IRX2: variants seen among roughly 807,000 people sequenced by gnomAD.
IRX2 encodes the protein iroquois homeobox 2, also known as iroquois-class homeodomain protein IRX-2.
IRX2 carries 26 observed loss-of-function variants against 42.9 expected under a neutral mutation model. That is an observed-to-expected ratio of 0.61 (90% CI 0.44 to 0.84). The LOEUF (loss-of-function observed/expected upper bound fraction) is 0.84, where lower values mean the gene tolerates loss of function less well. Among genes scored for constraint, IRX2 ranks in the 40% least tolerant of loss-of-function variants. The pLI is 0.00. For missense variants in IRX2, 782 were observed against 713.9 expected (o/e 1.10, Z -1.09); for synonymous variants, 424 against 353.9 (o/e 1.20, Z -2.22).
chr5:2,739,928 G>A, the IRX2 span, among the ~76,000 whole-genome samples: 154 of 152,262 alleles, frequency 1.0e-3, no homozygotes, highest in Middle Eastern at 3.4e-3. Context: ...GTAGGACCAG[G>A]AAGGGGACTG....
At chr5:2,749,816 G>C in intron 1 of IRX2, 29 bp from the exon 2 acceptor site, 1 of 1,558,008 alleles carries the variant, frequency 6.4e-7, no homozygotes, top group East Asian at 2.3e-5. Context: ...TGTGAGTGGA[G>C]TATGCGGAGA....
In IRX2 at chr5:2,746,525, AGATT is replaced by A. The variant is rs1737669691; in HGVS notation, c.*1035_*1038del. On this transcript the variant is annotated 3_prime_UTR_variant, in exon 4 of 4. Coordinates refer to ENST00000302057, the MANE Select transcript of IRX2 (RefSeq NM_033267.5). ...CAATTCAAGATATCCTGAGAAAAAC[AGATT>A]GTTTTCAAAAGTCACACATACATCG... is the stretch of plus-strand genomic sequence containing the variant. 1 of 152,428 alleles carries A rather than the reference AGATT, an allele frequency of 6.6e-6. No individual in the cohort carries two copies. Among genetic ancestry groups the A allele is most frequent in the South Asian group, 2.1e-4 (1 of 4,834 alleles). The allele number at this position is 152,428 out of a possible 1,614,324, so 9.4% of individuals were successfully genotyped here.
intron 1 of IRX2, among the ~76,000 whole-genome samples, chr5:2,750,871 C>T (rs1737930143): frequency 6.6e-6 from 1 of 152,182 alleles, no homozygotes; most frequent in African/African-American, 2.4e-5. Flanking sequence ...ACCCCGGCCC[C>T]GGCGGAGACG....
At chr5:2,741,763 T>C (rs1291323983), downstream of IRX2, among the ~76,000 whole-genome samples, 3 of 152,238 alleles carry the variant, frequency 2.0e-5, no homozygotes, top group African/African-American at 7.2e-5. Flanking sequence ...GAGTCCGTAT[T>C]GGAGGCAGCC....
chr5:2,747,762 T>C, intron 3 of IRX2, 146 bp from the exon 4 acceptor site: 2 of 708,896 alleles, frequency 2.8e-6, no homozygotes, highest in African/African-American at 1.7e-5. Context: ...AGACGACTTT[T>C]GGTGATGGTC....
At position 2,751,256 on chromosome 5, in the gene IRX2, G is replaced by T; in HGVS notation, c.158C>A (p.Ala53Asp). 1.4e-6 allele frequency: 2 copies of T among 1,405,136 alleles called. No homozygotes were observed. The highest frequency in any genetic ancestry group is 3.2e-5 in the East Asian group (1 of 30,822). The allele number at this position is 1,405,136 out of a possible 1,614,324, so 87.0% of individuals were successfully genotyped here. ...SAFSPYPGSA[A>D]FTAQAATGFG... ...GCCGGTGGCCGCCTGCGCCGTGAAG[G>T]CCGCCGAGCCCGGGTAGGGGCTGAA... The change falls in exon 1 of 4, where the codon GCC becomes GAC. Residue 53 changes from alanine to aspartate, a missense_variant. Coordinates refer to ENST00000302057, the MANE Select transcript of IRX2 (RefSeq NM_033267.5). The surrounding 1 kb of genome is among the most constrained non-coding windows in gnomAD (Gnocchi z 4.0).
chr5:2,744,711 A>C (rs1416855325), downstream of IRX2, among the ~76,000 whole-genome samples: 3 of 152,224 alleles, frequency 2.0e-5, no homozygotes, highest in Non-Finnish European at 4.4e-5. Flanking sequence ...CATATCTATT[A>C]CTAGGAGAGG....
intron 2 of IRX2, 100 bp from the exon 3 acceptor site, chr5:2,749,152 A>C (rs1269624898): frequency 6.7e-7 from 1 of 1,500,336 alleles, no homozygotes; most frequent in Non-Finnish European, 8.8e-7. Context: ...TCCCCACGGG[A>C]CCCCTCACCT....
intron 3 of IRX2, 115 bp from the exon 4 acceptor site, chr5:2,747,731 T>C: frequency 9.9e-7 from 1 of 1,013,210 alleles, no homozygotes. Context: ...GGAAACCGAC[T>C]GTCTCCAGGG....
In IRX2 at chr5:2,748,710, G is replaced by T; in HGVS notation, c.998C>A (p.Ala333Asp). The change falls in exon 3 of 4, where the codon GCC becomes GAC. Residue 333 changes from alanine to aspartate, a missense_variant. Ala to Asp is a moderately radical substitution (Grantham distance 126). Coordinates refer to ENST00000302057, the MANE Select transcript of IRX2 (RefSeq NM_033267.5). ...PASKPKLWSL[A>D]EIATSDLKQP... ...CTTGAGGTCCGACGTGGCGATCTCG[G>T]CCAGCGACCACAGCTTGGGCTTGCT... 1 of 1,400,224 alleles carries T rather than the reference G, an allele frequency of 7.1e-7. No individual in the cohort carries two copies. 86.7% of individuals were successfully genotyped at this position (1,400,224 alleles called of 1,614,324 possible).
chr5:2,743,156 G>C (rs889055714), downstream of IRX2, among the ~76,000 whole-genome samples: 11 of 152,142 alleles, frequency 7.2e-5, no homozygotes, highest in South Asian at 2.1e-4. Context: ...CGCACCCCAG[G>C]CTGGCTACCC....
chr5:2,749,673 T>C lies in IRX2; in HGVS notation c.364A>G (p.Thr122Ala), dbSNP rs1737856379. Residue 122 changes from threonine to alanine, a missense_variant, in exon 2 of 4, where the codon ACG (threonine) becomes GCG (alanine). Coordinates refer to ENST00000302057, the MANE Select transcript of IRX2 (RefSeq NM_033267.5). ...LNDPAYRKNA[T>A]RDATATLKAW... ...TTGAGAGTGGCCGTGGCGTCCCGCG[T>C]GGCGTTCTTGCGGTACGCGGGGTCG... is the stretch of plus-strand genomic sequence containing the variant. 1 of 1,614,078 alleles carries C rather than the reference T, an allele frequency of 6.2e-7. No homozygotes were observed. The highest frequency in any genetic ancestry group is 8.5e-7 in the Non-Finnish European group (1 of 1,180,042).
Position 2,748,978 on chromosome 5 carries a change from G to T in IRX2, c.730C>A (p.Arg244Ser), listed in dbSNP as rs368240882. 1 of 1,597,226 alleles carries T rather than the reference G, an allele frequency of 6.3e-7. No individual in the cohort carries two copies. Among genetic ancestry groups the T allele is most frequent in the Non-Finnish European group, 8.5e-7 (1 of 1,179,438 alleles). Residue 244 changes from arginine to serine, a missense_variant, in exon 3 of 4, where the codon CGC becomes AGC. Arg to Ser is a moderately radical substitution (Grantham distance 110, BLOSUM62 -1). This residue lies in a region of IRX2 where 520 missense variants were observed against 437.8 expected (regional missense o/e 1.19). Coordinates refer to ENST00000302057, the MANE Select transcript of IRX2 (RefSeq NM_033267.5). Reference protein sequence around the residue: ...AESDGEKLPCRAGDPLCESGS... With the variant: ...AESDGEKLPCSAGDPLCESGS... ...GATTCGCACAGGGGGTCCCCGGCGC[G>T]GCACGGAAGCTTCTCCCCGTCCGAC...
chr5:2,740,671 C>T, the IRX2 span, among the ~76,000 whole-genome samples: 1 of 152,130 alleles, frequency 6.6e-6, no homozygotes, highest in Non-Finnish European at 1.5e-5. Context: ...CTCAAGACTC[C>T]CCAGGGAGCA....
downstream of IRX2, among the ~76,000 whole-genome samples, chr5:2,741,402 C>G (rs1466595259): frequency 6.6e-6 from 1 of 151,092 alleles, no homozygotes; most frequent in Admixed American, 6.6e-5. Context: ...AAAAAAAAAG[C>G]CCACTGTTAG....
rs1737767518 is a variant in IRX2 at position 2,748,470 on chromosome 5, G to A, written c.1238C>T (p.Ala413Val). The part of the protein sequence containing the change: ...QGQGLLRYNS[A>V]AAAPGEALHT... ...CAGGGCCTCGCCGGGGGCCGCGGCC[G>A]CAGAGTTGTACCGCAGGAGACCCTG... The change falls in exon 3 of 4, where the codon GCG (alanine) becomes GTG (valine). Residue 413 changes from alanine to valine, a missense_variant. By Grantham distance (64) the Ala-to-Val change is moderately conservative (BLOSUM62 0). Transcript: ENST00000302057. The A allele has an allele frequency of 6.4e-7, 1 of 1,573,124 alleles. No homozygotes were observed. The highest frequency in any genetic ancestry group is 1.8e-5 in the Admixed American group (1 of 55,196).
chr5:2,744,113 TG>T, downstream of IRX2, among the ~76,000 whole-genome samples: 1 of 147,824 alleles, frequency 6.8e-6, no homozygotes, highest in South Asian at 2.2e-4. Context: ...TGTGTGTGTG[TG>T]TGTGTTGAAA....
At chr5:2,745,060 C>T (rs1178077435), downstream of IRX2, among the ~76,000 whole-genome samples, 2 of 152,200 alleles carry the variant, frequency 1.3e-5, no homozygotes, top group Non-Finnish European at 2.9e-5. Context: ...AATTTCCCAT[C>T]CTCAGACACA....
Position 2,748,333 on chromosome 5 carries a change from C to A in IRX2, c.1363+12G>T. 1.4e-6 allele frequency: 2 copies of A among 1,392,710 alleles called. No homozygotes were observed. Among genetic ancestry groups the A allele is most frequent in the Non-Finnish European group, 9.2e-7 (1 of 1,084,690 alleles). 86.3% of individuals were successfully genotyped at this position (1,392,710 alleles called of 1,614,324 possible). ...CTCCCCTCCCGGGCGCCGCCGGCCG[C>A]GGGCCGCCTACCTTTCTTGGGCTCG... is the stretch of plus-strand genomic sequence containing the variant. On this transcript the variant is annotated intron_variant, in intron 3 of 3. Coordinates refer to ENST00000302057, the MANE Select transcript of IRX2 (RefSeq NM_033267.5).
Sources: gnomAD v4.1 joint callset for allele counts (sites outside exome capture counted in the v4.1 genomes callset) on GRCh38, gnomAD v4.1.1 for gene constraint, gnomAD v4.1.1 regional missense constraint, Gnocchi (gnomAD v3.1) non-coding constraint, MANE v1.5 for transcripts, NCBI Gene and HGNC (gene_info 2026-07-23, HGNC 2026-07-21) for gene names.